Variants in ME1 observed in about 807,000 individuals in gnomAD.
ME1 encodes malic enzyme 1.
In ME1, 74 loss-of-function variants were observed where a neutral mutation model predicts 66.4. The ratio of observed to expected loss-of-function variants is 1.11; its 90% confidence interval spans 0.92 to 1.35. ME1 has a LOEUF of 1.35. ME1 is among the 40% of genes most tolerant of loss of function. The probability of loss-of-function intolerance (pLI) is 0.00; values close to 1 mark genes in which losing one functional copy is unlikely to be tolerated. For synonymous variants in ME1, 251 were observed against 235.6 expected, an observed-to-expected ratio of 1.07 and a Z score of -0.60; for missense variants, 750 against 694.1, an observed-to-expected ratio of 1.08 and a Z score of -0.90.
chr6:83,225,945 A>G (rs1290933820), intron 11 of ME1, among the ~76,000 whole-genome samples: 1 of 151,674 alleles, frequency 6.6e-6, no homozygotes, highest in Non-Finnish European at 1.5e-5. Context: ...AAATATTCTC[A>G]TATATATATG....
rs528262709 is a variant in ME1 at position 83,280,370 on chromosome 6, G to C, written c.705-26632C>G. Reference sequence around the variant, plus strand: ...AGAACTGGAAATACTCTGTTATATGGTACCTGCAGTATTCATGAAGCAGCA... The same window carrying C: ...AGAACTGGAAATACTCTGTTATATGCTACCTGCAGTATTCATGAAGCAGCA... On this transcript the variant is annotated intron_variant, in intron 6 of 13. Transcript: ENST00000369705. 1.2e-4 allele frequency among the ~76,000 whole-genome samples: 18 copies of C among 152,226 alleles called. No individual in the cohort carries two copies. The East Asian group carries it at 2.9e-3, about 24-fold the overall frequency.
chr6:83,262,552 CTGTT>C (rs5877839), intron 6 of ME1, among the ~76,000 whole-genome samples: 1 of 152,070 alleles, frequency 6.6e-6, no homozygotes, highest in Non-Finnish European at 1.5e-5. Flanking sequence ...CTGAATCAAA[CTGTT>C]TATTTCTAAA....
At chr6:83,334,107 G>C (rs917682693) in intron 5 of ME1, among the ~76,000 whole-genome samples, 4 of 152,120 alleles carry the variant, frequency 2.6e-5, no homozygotes, top group Admixed American at 6.5e-5. Flanking sequence ...CAGTGTGTGC[G>C]TGCACCGTGC....
At chr6:83,418,010 C>G (rs1202444748) in intron 1 of ME1, among the ~76,000 whole-genome samples, 1 of 152,146 alleles carries the variant, frequency 6.6e-6, no homozygotes, top group Non-Finnish European at 1.5e-5. Flanking sequence ...AAAACTGTTG[C>G]AGAGGACTGT....
At chr6:83,254,456 T>G (rs138644821) in intron 6 of ME1, among the ~76,000 whole-genome samples, 2 of 152,248 alleles carry the variant, frequency 1.3e-5, no homozygotes, top group African/African-American at 4.8e-5. Flanking sequence ...CTCTTAATAC[T>G]TTCACAATGG....
At chr6:83,305,817 T>C (rs562472288) in intron 6 of ME1, among the ~76,000 whole-genome samples, 1 of 152,286 alleles carries the variant, frequency 6.6e-6, no homozygotes, top group East Asian at 1.9e-4. Context: ...TACCCCCAAA[T>C]CAATTTTCTA....
At chr6:83,386,797 C>G (rs1175326737) in intron 3 of ME1, among the ~76,000 whole-genome samples, 2 of 150,376 alleles carry the variant, frequency 1.3e-5, no homozygotes, top group East Asian at 1.9e-4. Context: ...GATTAGTGCC[C>G]TTTATAAAAG....
At chr6:83,375,587 C>G (rs1380503066) in intron 3 of ME1, among the ~76,000 whole-genome samples, 1 of 152,132 alleles carries the variant, frequency 6.6e-6, no homozygotes, top group Non-Finnish European at 1.5e-5. Context: ...CCTTTTATTT[C>G]TTTCTCTTTC....
chr6:83,267,992 A>C (rs1583348467), intron 6 of ME1, among the ~76,000 whole-genome samples: 1 of 152,214 alleles, frequency 6.6e-6, no homozygotes, highest in Admixed American at 6.5e-5. Flanking sequence ...ATTAGAGTTT[A>C]TACTGAATAA....
At chr6:83,394,270 C>G (rs1356914993) in intron 3 of ME1, among the ~76,000 whole-genome samples, 1 of 151,846 alleles carries the variant, frequency 6.6e-6, no homozygotes, top group African/African-American at 2.4e-5. Flanking sequence ...CAAATAAGAC[C>G]TATTGTATAT....
At chr6:83,237,679 A>G (rs1347655227) in intron 9 of ME1, 38 bp downstream of exon 9, 1 of 1,198,834 alleles carries the variant, frequency 8.3e-7, no homozygotes, top group African/African-American at 1.5e-5. Flanking sequence ...AGAATGGCAT[A>G]GTTATCTTTA....
intron 6 of ME1, among the ~76,000 whole-genome samples, chr6:83,287,927 T>C (rs951788318): frequency 2.0e-5 from 3 of 152,240 alleles, no homozygotes; most frequent in Non-Finnish European, 2.9e-5. Context: ...TTTTTTCATA[T>C]GTCTGTTGGC....
chr6:83,318,033 G>A (rs1159645105), intron 5 of ME1, among the ~76,000 whole-genome samples: 1 of 152,006 alleles, frequency 6.6e-6, no homozygotes, highest in Non-Finnish European at 1.5e-5. Flanking sequence ...ACAAACCTGA[G>A]AAAAACAAGA....
intron 1 of ME1, among the ~76,000 whole-genome samples, chr6:83,428,194 A>T (rs1345986037): frequency 6.6e-6 from 1 of 152,188 alleles, no homozygotes; most frequent in Non-Finnish European, 1.5e-5. Flanking sequence ...ACAAAAAGGA[A>T]AGAATTAAGA....
intron 1 of ME1, among the ~76,000 whole-genome samples, chr6:83,414,909 C>T (rs1451488249): frequency 6.6e-6 from 1 of 152,114 alleles, no homozygotes; most frequent in African/African-American, 2.4e-5. Flanking sequence ...AGAAAAGTAT[C>T]TGTTAAATAA....
At chr6:83,334,183 C>G (rs982639164) in intron 5 of ME1, among the ~76,000 whole-genome samples, 1 of 151,380 alleles carries the variant, frequency 6.6e-6, no homozygotes, top group Non-Finnish European at 1.5e-5. Context: ...AGTTCCTTTT[C>G]CGAGTCAAAG....
intron 1 of ME1, among the ~76,000 whole-genome samples, chr6:83,427,784 G>A (rs777343406): frequency 4.6e-5 from 7 of 152,074 alleles, no homozygotes; most frequent in Admixed American, 2.6e-4. Flanking sequence ...AGGCCGAGGC[G>A]GGCAGATCAC....
At chr6:83,284,674 A>T (rs561316864) in intron 6 of ME1, among the ~76,000 whole-genome samples, 1 of 152,290 alleles carries the variant, frequency 6.6e-6, no homozygotes, top group South Asian at 2.1e-4. Context: ...AAACCTCAAC[A>T]AACTAGGCAT....
intron 6 of ME1, among the ~76,000 whole-genome samples, chr6:83,300,185 C>T (rs1583366228): frequency 6.6e-6 from 1 of 152,086 alleles, no homozygotes; most frequent in Non-Finnish European, 1.5e-5. Flanking sequence ...GGATAACTGG[C>T]TAGCCATATA....
Sources: allele counts gnomAD v4.1 joint callset (sites outside exome capture counted in the v4.1 genomes callset), GRCh38; gene constraint gnomAD v4.1.1; transcripts MANE v1.5; gene names NCBI Gene and HGNC (gene_info 2026-07-23, HGNC 2026-07-21).